Variants in PCDH9 observed in about 807,000 individuals in gnomAD.
PCDH9 encodes the protein protocadherin-9.
In PCDH9, 24 loss-of-function variants were observed where a neutral mutation model predicts 70.6. The observed-to-expected ratio is 0.34, with a 90% CI of 0.25 to 0.48. The LOEUF (loss-of-function observed/expected upper bound fraction) is 0.48. PCDH9 is among the 20% of genes least tolerant of loss of function. PCDH9 has a pLI of 0.99. For missense variants in PCDH9, 1,281 were observed against 1,503.6 expected (o/e 0.85, Z 2.45); for synonymous variants, 562 against 558.5 (o/e 1.01, Z -0.09).
intron 2 of PCDH9, among the ~76,000 whole-genome samples, chr13:67,131,161 T>G (rs2087103698): frequency 6.6e-6 from 1 of 152,184 alleles, no homozygotes; most frequent in Non-Finnish European, 1.5e-5. Context: ...TGGGCCAAAT[T>G]ATATATTTTC....
intron 4 of PCDH9, among the ~76,000 whole-genome samples, chr13:66,627,173 A>G (rs1056398493): frequency 1.3e-5 from 2 of 152,156 alleles, no homozygotes; most frequent in Non-Finnish European, 2.9e-5. Context: ...AGATAAGTAC[A>G]ATCGAAATTA....
At chr13:66,698,953 C>T (rs1391689063) in intron 3 of PCDH9, among the ~76,000 whole-genome samples, 2 of 136,428 alleles carry the variant, frequency 1.5e-5, no homozygotes, top group Non-Finnish European at 3.1e-5. Flanking sequence ...CTCACTCTGT[C>T]GTCCAGGCTG....
chr13:66,721,507 G>A (rs2078941036), intron 3 of PCDH9, among the ~76,000 whole-genome samples: 1 of 152,066 alleles, frequency 6.6e-6, no homozygotes, highest in Admixed American at 6.5e-5. Context: ...AAAGCTTTCT[G>A]AGTATATTTA....
At chr13:66,425,377 C>A (rs1294077844) in intron 4 of PCDH9, among the ~76,000 whole-genome samples, 1 of 151,632 alleles carries the variant, frequency 6.6e-6, no homozygotes, top group Non-Finnish European at 1.5e-5. Flanking sequence ...ATCACACCGA[C>A]TAGGTAACTA....
chr13:67,153,633 A>C (rs2087719077), intron 2 of PCDH9, among the ~76,000 whole-genome samples: 1 of 152,232 alleles, frequency 6.6e-6, no homozygotes, highest in African/African-American at 2.4e-5. Flanking sequence ...AATGCCTTAC[A>C]CATTAAGGGC....
chr13:66,471,830 GTGGGTTATTTGGTGATTTTCCAATATC>G (rs1186091231), intron 4 of PCDH9, among the ~76,000 whole-genome samples: 1 of 152,160 alleles, frequency 6.6e-6, no homozygotes, highest in Non-Finnish European at 1.5e-5. Context: ...AAGGGAAAGT[GTGGGTTATTTGGTGATTTTCCAATATC>G]TGGGTTATTT....
At chr13:66,760,007 C>T (rs986222695) in intron 3 of PCDH9, among the ~76,000 whole-genome samples, 3 of 152,066 alleles carry the variant, frequency 2.0e-5, no homozygotes, top group African/African-American at 7.2e-5. Flanking sequence ...TAAGTAACTC[C>T]CTTTAGCAAT....
chr13:66,943,511 T>C (rs1372700747), intron 2 of PCDH9, among the ~76,000 whole-genome samples: 1 of 152,038 alleles, frequency 6.6e-6, no homozygotes, highest in Non-Finnish European at 1.5e-5. Flanking sequence ...AAAATTTTGG[T>C]TTACTGAACT....
chr13:66,766,934 C>T (rs909258826), intron 3 of PCDH9, among the ~76,000 whole-genome samples: 4 of 151,878 alleles, frequency 2.6e-5, no homozygotes, highest in African/African-American at 9.7e-5. Flanking sequence ...AATCTAACGT[C>T]GTTGTCACTT....
intron 3 of PCDH9, among the ~76,000 whole-genome samples, chr13:66,713,346 A>G (rs549282552): frequency 1.3e-5 from 2 of 151,942 alleles, no homozygotes; most frequent in Admixed American, 1.3e-4. Context: ...TATTAAAATG[A>G]TTGCTGTCTT....
intron 2 of PCDH9, among the ~76,000 whole-genome samples, chr13:67,188,857 T>G (rs545852088): frequency 6.6e-5 from 10 of 152,116 alleles, no homozygotes; most frequent in African/African-American, 2.2e-4. Flanking sequence ...TCTTTAGTGG[T>G]GATTTGAGAG....
intron 4 of PCDH9, among the ~76,000 whole-genome samples, chr13:66,579,549 C>A (rs1201407758): frequency 1.3e-5 from 2 of 151,922 alleles, no homozygotes; most frequent in African/African-American, 4.8e-5. Context: ...ATATCTGATA[C>A]CACGGTGTGA....
At chr13:67,170,022 A>G (rs2088235761) in intron 2 of PCDH9, among the ~76,000 whole-genome samples, 1 of 152,038 alleles carries the variant, frequency 6.6e-6, no homozygotes, top group Non-Finnish European at 1.5e-5. Flanking sequence ...TTTTTATATT[A>G]TTTCTTAAAT....
At chr13:66,832,568 T>C (rs1741489046) in intron 3 of PCDH9, among the ~76,000 whole-genome samples, 1 of 152,124 alleles carries the variant, frequency 6.6e-6, no homozygotes, top group Admixed American at 6.5e-5. Context: ...AATAAGTATA[T>C]TAAGAATGAG....
rs572090280 is a variant in PCDH9, at chr13:66,550,713, G to A, written c.3340+80497C>T. ...TTTCATCTTGTTTAAGCCACATGCC[G>A]TTCGGGTTTTCTGTCACTTGCAGCT... On this transcript the variant is annotated intron_variant, in intron 4 of 4. Transcript: ENST00000377865. 7.2e-5 allele frequency among the ~76,000 whole-genome samples: 11 copies of A among 152,202 alleles called. No homozygotes were observed. In the East Asian group the frequency reaches 9.6e-4, roughly 13 times the overall value.
chr13:66,867,016 CTTT>C (rs562922937), intron 3 of PCDH9, among the ~76,000 whole-genome samples: 1 of 137,016 alleles, frequency 7.3e-6, no homozygotes, highest in African/African-American at 2.7e-5. Context: ...CAGTTTCTTT[CTTT>C]TTTTTTTTTT....
intron 2 of PCDH9, among the ~76,000 whole-genome samples, chr13:67,027,867 A>T (rs1445884348): frequency 6.6e-6 from 1 of 151,880 alleles, no homozygotes; most frequent in East Asian, 1.9e-4. Context: ...AACCACAATG[A>T]GATACCATCT....
intron 3 of PCDH9, among the ~76,000 whole-genome samples, chr13:66,900,060 G>A (rs959089624): frequency 6.6e-6 from 1 of 151,874 alleles, no homozygotes; most frequent in Non-Finnish European, 1.5e-5. Flanking sequence ...TTATCTTCAC[G>A]TTATGTTTCA....
At chr13:66,439,576 C>T (rs1359041401) in intron 4 of PCDH9, among the ~76,000 whole-genome samples, 1 of 152,060 alleles carries the variant, frequency 6.6e-6, no homozygotes, top group African/African-American at 2.4e-5. Flanking sequence ...TAAATAAATG[C>T]TTGTAAATTA....
Sources: gnomAD v4.1 joint callset for allele counts (sites outside exome capture counted in the v4.1 genomes callset) on GRCh38, gnomAD v4.1.1 for gene constraint, MANE v1.5 for transcripts, NCBI Gene and HGNC (gene_info 2026-07-23, HGNC 2026-07-21) for gene names.